SFXN1: variants seen among roughly 807,000 people sequenced by gnomAD.
SFXN1 encodes sideroflexin 1.
Under a neutral mutation model 39.5 loss-of-function variants are expected in SFXN1, and 32 were observed. The ratio of observed to expected loss-of-function variants is 0.81; its 90% CI spans 0.61 to 1.09. The LOEUF is 1.09. SFXN1 is among the 50% of genes least tolerant of loss of function. SFXN1 has a pLI of 0.00. For missense variants in SFXN1, 402 were observed against 407.1 expected (o/e 0.99, Z 0.11); for synonymous variants, 136 against 146.5 (o/e 0.93, Z 0.52).
At chr5:175,510,538 T>G (rs141578450) in intron 4 of SFXN1, among the ~76,000 whole-genome samples, 32 of 152,262 alleles carry the variant, frequency 2.1e-4, no homozygotes, top group African/African-American at 7.2e-4. Context: ...CTCTGATAAG[T>G]GACAGGCTGT....
intron 8 of SFXN1, among the ~76,000 whole-genome samples, chr5:175,516,937 G>A (rs1232481499): frequency 1.3e-5 from 2 of 152,202 alleles, no homozygotes; most frequent in Non-Finnish European, 2.9e-5. Flanking sequence ...AAAATGAAGA[G>A]ATGATGTGAA....
chr5:175,526,874 C>T lies in SFXN1; in HGVS notation c.*140C>T, dbSNP rs1761080754. On this transcript the variant is annotated 3_prime_UTR_variant, in exon 11 of 11. Coordinates refer to ENST00000321442, the MANE Select transcript of SFXN1 (RefSeq NM_022754.7). ...TCCACATTAGCCTTTTAGAATAAAG[C>T]TGCTACTTTAACAGAGCACCTGGCG... 1 of 705,884 alleles carries T rather than the reference C, an allele frequency of 1.4e-6. No homozygotes were observed. 43.7% of individuals were successfully genotyped at this position (705,884 alleles called of 1,614,324 possible).
intron 2 of SFXN1, among the ~76,000 whole-genome samples, chr5:175,498,351 C>T (rs1382676907): frequency 6.6e-6 from 1 of 152,152 alleles, no homozygotes; most frequent in East Asian, 1.9e-4. Flanking sequence ...CCCTCACAAC[C>T]TTTGAGGGTA....
chr5:175,487,367 T>G (rs1232506416), intron 1 of SFXN1, among the ~76,000 whole-genome samples: 1 of 152,176 alleles, frequency 6.6e-6, no homozygotes, highest in African/African-American at 2.4e-5. Flanking sequence ...AGGTTTAACG[T>G]GTTGTTCCTC....
chr5:175,493,350 CA>C (rs1759734292), intron 2 of SFXN1, among the ~76,000 whole-genome samples: 1 of 152,120 alleles, frequency 6.6e-6, no homozygotes, highest in African/African-American at 2.4e-5. Context: ...GGGGGAAAGT[CA>C]ATCCAAAGCT....
intron 8 of SFXN1, among the ~76,000 whole-genome samples, chr5:175,521,609 G>A (rs1479551240): frequency 6.6e-6 from 1 of 152,128 alleles, no homozygotes; most frequent in Non-Finnish European, 1.5e-5. Flanking sequence ...CCCAGCCAGG[G>A]GATTCATTAC....
chr5:175,480,129 C>A (rs1188381208), intron 1 of SFXN1, among the ~76,000 whole-genome samples: 2 of 152,116 alleles, frequency 1.3e-5, no homozygotes, highest in African/African-American at 4.8e-5. Flanking sequence ...GGGCCAGGCG[C>A]GGTGGCTCAC....
intron 2 of SFXN1, among the ~76,000 whole-genome samples, chr5:175,507,949 G>T (rs577899335): frequency 3.5e-4 from 52 of 149,178 alleles, no homozygotes; most frequent in Non-Finnish European, 6.4e-4. Context: ...CTCCAGCCTG[G>T]GTGACAGAGT....
intron 2 of SFXN1, among the ~76,000 whole-genome samples, chr5:175,507,777 C>T (rs192008582): frequency 6.6e-6 from 1 of 152,166 alleles, no homozygotes; most frequent in Admixed American, 6.5e-5. Flanking sequence ...TCAGAACCAG[C>T]CTGGGCAACA....
At chr5:175,505,343 T>C (rs1283957794) in intron 2 of SFXN1, among the ~76,000 whole-genome samples, 2 of 151,362 alleles carry the variant, frequency 1.3e-5, no homozygotes, top group Non-Finnish European at 2.9e-5. Context: ...AAGACCAGCC[T>C]GGCCAACATG....
intron 2 of SFXN1, among the ~76,000 whole-genome samples, chr5:175,502,086 C>A (rs1760105218): frequency 6.6e-6 from 1 of 152,104 alleles, no homozygotes. Context: ...GTCTTCTCTT[C>A]CTGGGTGCGA....
intron 7 of SFXN1, among the ~76,000 whole-genome samples, chr5:175,515,633 A>C (rs990101936): frequency 1.3e-5 from 2 of 152,162 alleles, no homozygotes; most frequent in African/African-American, 4.8e-5. Context: ...GCTGAGGCTC[A>C]GAGAAGTTAG....
At chr5:175,524,462 C>A (rs1760997940) in intron 10 of SFXN1, among the ~76,000 whole-genome samples, 1 of 151,840 alleles carries the variant, frequency 6.6e-6, no homozygotes. Context: ...GAATGCACCA[C>A]AGTTTCCCGT....
intron 1 of SFXN1, among the ~76,000 whole-genome samples, chr5:175,482,192 C>G (rs1195127686): frequency 6.6e-6 from 1 of 152,198 alleles, no homozygotes; most frequent in Non-Finnish European, 1.5e-5. Context: ...CAGTGACTGA[C>G]CGGCTGTCTC....
In SFXN1 at chr5:175,509,019, G is replaced by A; in HGVS notation, c.165-13G>A. 2 of 1,595,328 alleles carry A rather than the reference G, an allele frequency of 1.3e-6. No individual in the cohort carries two copies. The highest frequency in any genetic ancestry group is 1.7e-6 in the Non-Finnish European group (2 of 1,170,622). On this transcript the variant is annotated splice_polypyrimidine_tract_variant and intron_variant, in intron 2 of 10. Coordinates refer to ENST00000321442, the MANE Select transcript of SFXN1 (RefSeq NM_022754.7). ...GAAATGAGCAATTGCCATATTATTT[G>A]TTGTTTTCTTAGGCAAGGAATTGTT...
intron 1 of SFXN1, among the ~76,000 whole-genome samples, chr5:175,480,895 G>A (rs1561648492): frequency 6.6e-6 from 1 of 152,220 alleles, no homozygotes; most frequent in Non-Finnish European, 1.5e-5. Flanking sequence ...GAAATCAAAA[G>A]TAGTGAATCC....
rs572600288 is a variant in SFXN1, at chr5:175,508,745, C to T, written c.165-287C>T. ...CTCTGCCTCCCAGATTCAAGCAATT[C>T]TCTTGCCTTAGCCTCCTGAGTAGCT... On this transcript the variant is annotated intron_variant, in intron 2 of 10. Transcript: ENST00000321442. Among the ~76,000 whole-genome samples the T allele has an allele frequency of 2.0e-5, 3 of 152,224 alleles. No homozygotes were observed. In the South Asian group the frequency reaches 6.2e-4, roughly 32 times the overall value.
intron 2 of SFXN1, among the ~76,000 whole-genome samples, chr5:175,504,440 T>G (rs914951109): frequency 6.6e-6 from 1 of 151,638 alleles, no homozygotes; most frequent in African/African-American, 2.4e-5. Flanking sequence ...CCGGGCGTGG[T>G]GGCGCACACC....
At chr5:175,515,876 G>T (rs1207302476) in intron 7 of SFXN1, among the ~76,000 whole-genome samples, 1 of 152,108 alleles carries the variant, frequency 6.6e-6, no homozygotes, top group Non-Finnish European at 1.5e-5. Flanking sequence ...TTGAATCAGT[G>T]GGAGCCCTGA....
Sources: allele counts gnomAD v4.1 joint callset (sites outside exome capture counted in the v4.1 genomes callset), GRCh38; gene constraint gnomAD v4.1.1; transcripts MANE v1.5; gene names NCBI Gene and HGNC (gene_info 2026-07-23, HGNC 2026-07-21).